ASTN2: variants seen among roughly 807,000 people sequenced by gnomAD.
ASTN2 encodes the protein astrotactin 2, also known as astrotactin-2.
Under a neutral mutation model 139.8 loss-of-function variants are expected in ASTN2, and 54 were observed. That is an observed-to-expected ratio of 0.39 (90% CI 0.31 to 0.48). The LOEUF is 0.48. Among genes scored for constraint, ASTN2 ranks in the 20% least tolerant of loss-of-function variants. The pLI is 0.95. For synonymous variants in ASTN2, 756 were observed against 719.5 expected, an observed-to-expected ratio of 1.05 and a Z score of -0.81; for missense variants, 1,565 against 1,725.1, an observed-to-expected ratio of 0.91 and a Z score of 1.64.
intron 13 of ASTN2, among the ~76,000 whole-genome samples, chr9:116,802,435 C>T (rs1830889120): frequency 6.6e-6 from 1 of 152,148 alleles, no homozygotes. Flanking sequence ...GGAAGATAAG[C>T]ACTCCAAGCA....
chr9:116,944,399 G>A (rs1352143365), intron 10 of ASTN2, among the ~76,000 whole-genome samples: 1 of 152,038 alleles, frequency 6.6e-6, no homozygotes, highest in Admixed American at 6.5e-5. Context: ...AGCAGATGCA[G>A]GCCAGGCACG....
intron 10 of ASTN2, among the ~76,000 whole-genome samples, chr9:116,875,686 G>A (rs1310608814): frequency 1.3e-5 from 2 of 152,202 alleles, no homozygotes; most frequent in African/African-American, 4.8e-5. Flanking sequence ...AGGACAGGCT[G>A]TCTCTCTCAT....
intron 7 of ASTN2, among the ~76,000 whole-genome samples, chr9:116,977,278 G>A (rs1404234497): frequency 6.6e-6 from 1 of 152,130 alleles, no homozygotes; most frequent in Non-Finnish European, 1.5e-5. Flanking sequence ...TCCCCTTTCA[G>A]AAAAACCTGT....
intron 17 of ASTN2, among the ~76,000 whole-genome samples, chr9:116,624,027 G>A (rs1341755479): frequency 6.6e-6 from 1 of 152,098 alleles, no homozygotes; most frequent in Non-Finnish European, 1.5e-5. Context: ...AACAAATTCT[G>A]TACTTAATGG....
intron 16 of ASTN2, among the ~76,000 whole-genome samples, chr9:116,657,759 C>T (rs951916381): frequency 2.6e-5 from 4 of 152,112 alleles, no homozygotes; most frequent in African/African-American, 9.7e-5. Context: ...GAGAATCACT[C>T]GAACCTGGGA....
chr9:117,164,219 T>A (rs938610401), intron 3 of ASTN2, among the ~76,000 whole-genome samples: 1 of 152,088 alleles, frequency 6.6e-6, no homozygotes, highest in Non-Finnish European at 1.5e-5. Context: ...ATGGGGAAAC[T>A]GAGTCCCAGA....
At chr9:117,232,313 C>G (rs1832918233) in intron 2 of ASTN2, among the ~76,000 whole-genome samples, 1 of 152,128 alleles carries the variant, frequency 6.6e-6, no homozygotes, top group Non-Finnish European at 1.5e-5. Flanking sequence ...AAATTTCCCC[C>G]AAATCTCTCT....
intron 13 of ASTN2, among the ~76,000 whole-genome samples, chr9:116,749,568 T>C (rs1469208852): frequency 6.6e-6 from 1 of 152,206 alleles, no homozygotes; most frequent in African/African-American, 2.4e-5. Context: ...TCTCTCTTCC[T>C]ATCACAGCAT....
At chr9:116,766,260 C>G (rs1379400485) in intron 13 of ASTN2, among the ~76,000 whole-genome samples, 1 of 152,092 alleles carries the variant, frequency 6.6e-6, no homozygotes, top group Non-Finnish European at 1.5e-5. Context: ...CACACGTGCA[C>G]TGACACACAC....
At chr9:116,468,963 T>C (rs1848731230) in intron 20 of ASTN2, among the ~76,000 whole-genome samples, 1 of 152,182 alleles carries the variant, frequency 6.6e-6, no homozygotes, top group Non-Finnish European at 1.5e-5. Context: ...TCTTAGTAAT[T>C]CTGATCATTC....
At chr9:116,734,394 A>G (rs114086937) in intron 13 of ASTN2, among the ~76,000 whole-genome samples, 2,593 of 152,270 alleles carry the variant, frequency 0.017, 82 homozygotes, top group African/African-American at 0.059. Flanking sequence ...CCTAAAAATT[A>G]ACAGCCTGCC....
At chr9:116,964,254 T>C (rs866873672) in intron 10 of ASTN2, among the ~76,000 whole-genome samples, 1,388 of 128,964 alleles carry the variant, frequency 0.011, 22 homozygotes, top group African/African-American at 0.034. Context: ...TGTGTGTGTG[T>C]GTGCGCGCGC....
chr9:116,670,429 T>A (rs2131985699), intron 16 of ASTN2, among the ~76,000 whole-genome samples: 1 of 152,320 alleles, frequency 6.6e-6, no homozygotes, highest in South Asian at 2.1e-4. Flanking sequence ...GTGCTGGGAT[T>A]ACAGGCATAA....
chr9:116,918,629 TG>T (rs1834518115), intron 10 of ASTN2, among the ~76,000 whole-genome samples: 1 of 152,218 alleles, frequency 6.6e-6, no homozygotes. Flanking sequence ...TCTCTCTCTG[TG>T]TTTCCCTCCT....
At position 116,932,204 on chromosome 9, in the gene ASTN2, C is replaced by T. The variant is rs534367707; in HGVS notation, c.1889+43004G>A. ...TATGGAGCACCTCTTATATGTGAAG[C>T]CCGGTGCCAGGTGGTGGATGCACAA... On this transcript the variant is annotated intron_variant, in intron 10 of 22. Transcript: ENST00000313400. 3.9e-5 allele frequency among the ~76,000 whole-genome samples: 6 copies of T among 152,184 alleles called. No individual in the cohort carries two copies. The South Asian group carries it at 1.2e-3, about 32-fold the overall frequency.
intron 3 of ASTN2, among the ~76,000 whole-genome samples, chr9:117,146,438 G>C (rs1213206508): frequency 7.0e-6 from 1 of 143,650 alleles, no homozygotes; most frequent in Non-Finnish European, 1.5e-5. Context: ...GCTAGAGAGA[G>C]AGGACAGGAA....
chr9:116,566,454 G>A (rs983477359), intron 19 of ASTN2, among the ~76,000 whole-genome samples: 15 of 151,928 alleles, frequency 9.9e-5, no homozygotes, highest in Non-Finnish European at 4.4e-5. Context: ...CTCTGTATGG[G>A]GCCCATAAGG....
chr9:116,866,685 G>A (rs1471060353), intron 10 of ASTN2, among the ~76,000 whole-genome samples: 1 of 151,982 alleles, frequency 6.6e-6, no homozygotes, highest in Non-Finnish European at 1.5e-5. Flanking sequence ...GATGGGCTAG[G>A]TCAGGAGATG....
chr9:116,615,356 C>T (rs1423329959), intron 19 of ASTN2, among the ~76,000 whole-genome samples: 1 of 152,042 alleles, frequency 6.6e-6, no homozygotes, highest in Non-Finnish European at 1.5e-5. Context: ...ACCATTTGAC[C>T]CAGCCATCCC....
Sources: gnomAD v4.1 joint callset for allele counts (sites outside exome capture counted in the v4.1 genomes callset) on GRCh38, gnomAD v4.1.1 for gene constraint, MANE v1.5 for transcripts, NCBI Gene and HGNC (gene_info 2026-07-23, HGNC 2026-07-21) for gene names.